Variants in OPCML observed in about 807,000 individuals in gnomAD.
The protein encoded by OPCML is opioid-binding protein/cell adhesion molecule.
Under a neutral mutation model 37.8 loss-of-function variants are expected in OPCML, and 13 were observed. The ratio of observed to expected loss-of-function variants is 0.34; its 90% CI spans 0.22 to 0.55. The LOEUF (loss-of-function observed/expected upper bound fraction) is 0.55. OPCML is among the 20% of genes least tolerant of loss of function. OPCML has a pLI of 0.91. For missense variants in OPCML, 341 were observed against 435.6 expected (o/e 0.78, Z 1.93); for synonymous variants, 176 against 168.8 (o/e 1.04, Z -0.33).
intron 2 of OPCML, among the ~76,000 whole-genome samples, chr11:132,752,665 G>T (rs74527557): frequency 2.1e-5 from 3 of 145,090 alleles, no homozygotes; most frequent in African/African-American, 2.5e-5. Context: ...ACTCAATGTT[G>T]TTTTTTTTTT....
intron 4 of OPCML, among the ~76,000 whole-genome samples, chr11:132,475,611 A>AT (rs2096152531): frequency 6.6e-6 from 1 of 152,206 alleles, no homozygotes; most frequent in African/African-American, 2.4e-5. Flanking sequence ...GAGGGCAGCC[A>AT]TCTGCAAGTT....
At chr11:132,559,560 C>T (rs1174790445) in intron 3 of OPCML, among the ~76,000 whole-genome samples, 3 of 152,006 alleles carry the variant, frequency 2.0e-5, no homozygotes, top group Admixed American at 1.3e-4. Context: ...TCTTTTTTCT[C>T]TTCAATTTTT....
intron 3 of OPCML, among the ~76,000 whole-genome samples, chr11:132,552,057 A>G (rs1008013824): frequency 6.6e-6 from 1 of 152,158 alleles, no homozygotes; most frequent in African/African-American, 2.4e-5. Context: ...CTTGTTCGCA[A>G]ATGTGAGTGA....
At chr11:133,026,484 C>T (rs1011661592) in intron 1 of OPCML, 33 of 985,320 alleles carry the variant, frequency 3.3e-5, no homozygotes, top group South Asian at 2.3e-4. Flanking sequence ...ACATCCTCCA[C>T]GCAGTAGGTT....
At chr11:132,681,203 C>A (rs1942926090) in intron 2 of OPCML, among the ~76,000 whole-genome samples, 1 of 152,208 alleles carries the variant, frequency 6.6e-6, no homozygotes. Context: ...CGGTCCCTGG[C>A]AAGGGCCCCA....
At chr11:133,133,207 A>C (rs1357532956) in intron 1 of OPCML, among the ~76,000 whole-genome samples, 2 of 152,170 alleles carry the variant, frequency 1.3e-5, no homozygotes, top group Admixed American at 1.3e-4. Flanking sequence ...GAGATCTGAC[A>C]TCATCCTTAG....
chr11:132,610,201 C>T (rs763457556), intron 3 of OPCML, among the ~76,000 whole-genome samples: 31 of 152,206 alleles, frequency 2.0e-4, no homozygotes, highest in Non-Finnish European at 3.7e-4. Flanking sequence ...CCTATGCCTG[C>T]ATCTCCAGCC....
At chr11:132,469,359 T>C (rs1209215894) in intron 4 of OPCML, among the ~76,000 whole-genome samples, 1 of 151,992 alleles carries the variant, frequency 6.6e-6, no homozygotes, top group Non-Finnish European at 1.5e-5. Flanking sequence ...GGCTCACACA[T>C]GTGTGGGTGT....
At chr11:133,385,792 C>A (rs73602494) in intron 1 of OPCML, among the ~76,000 whole-genome samples, 33,071 of 152,014 alleles carry the variant, frequency 0.22, 5,846 homozygotes, top group African/African-American at 0.49. Context: ...TTTCTTGTAA[C>A]ATATTATAAT....
chr11:133,294,694 A>C (rs77133817), intron 1 of OPCML, among the ~76,000 whole-genome samples: 8,305 of 151,688 alleles, frequency 0.055, 259 homozygotes, highest in Non-Finnish European at 0.072. Context: ...GACACAAACC[A>C]GGTGTGAGGT....
At chr11:132,527,956 A>T (rs866594909) in intron 4 of OPCML, among the ~76,000 whole-genome samples, 8 of 152,196 alleles carry the variant, frequency 5.3e-5, no homozygotes, top group Non-Finnish European at 1.2e-4. Context: ...AAGCAATGCC[A>T]GTGATTACCA....
intron 2 of OPCML, among the ~76,000 whole-genome samples, chr11:132,719,440 G>T (rs76348706): frequency 0.045 from 6,873 of 152,254 alleles, 431 homozygotes; most frequent in African/African-American, 0.14. Flanking sequence ...GGGGAGGGGT[G>T]TGACTGCGGT....
chr11:133,143,443 C>T (rs925812124), intron 1 of OPCML, among the ~76,000 whole-genome samples: 1 of 152,168 alleles, frequency 6.6e-6, no homozygotes, highest in African/African-American at 2.4e-5. Flanking sequence ...GACAGATCCA[C>T]AGCATGAAAG....
chr11:133,105,708 C>T (rs898001177), intron 1 of OPCML, among the ~76,000 whole-genome samples: 54 of 152,276 alleles, frequency 3.5e-4, no homozygotes, highest in African/African-American at 1.3e-3. Context: ...AGGCTGGGCA[C>T]GGTAGCTCAT....
chr11:132,490,519 C>T (rs1046819100), intron 4 of OPCML, among the ~76,000 whole-genome samples: 1 of 150,090 alleles, frequency 6.7e-6, no homozygotes, highest in African/African-American at 2.4e-5. Flanking sequence ...CAAATGCCTT[C>T]CACGCTTCCA....
chr11:132,830,326 C>T (rs1226702063), intron 2 of OPCML, among the ~76,000 whole-genome samples: 1 of 152,192 alleles, frequency 6.6e-6, no homozygotes, highest in Non-Finnish European at 1.5e-5. Flanking sequence ...ATAAGTTCAT[C>T]TCAACATACC....
At chr11:133,099,827 A>G (rs1465439246) in intron 1 of OPCML, among the ~76,000 whole-genome samples, 1 of 152,178 alleles carries the variant, frequency 6.6e-6, no homozygotes, top group Non-Finnish European at 1.5e-5. Flanking sequence ...GCCCTTTGTC[A>G]GAAGCACAGT....
At chr11:133,204,650 A>T (rs1293739487) in intron 1 of OPCML, among the ~76,000 whole-genome samples, 2 of 151,966 alleles carry the variant, frequency 1.3e-5, no homozygotes, top group Non-Finnish European at 2.9e-5. Flanking sequence ...GATCCTTCAG[A>T]ATTACAAACA....
At chr11:133,184,210 G>A (rs1937968043) in intron 1 of OPCML, among the ~76,000 whole-genome samples, 1 of 152,182 alleles carries the variant, frequency 6.6e-6, no homozygotes, top group East Asian at 1.9e-4. Flanking sequence ...AATGCCCACT[G>A]TAATAAGACA....
Sources: gnomAD v4.1 joint callset for allele counts (sites outside exome capture counted in the v4.1 genomes callset) on GRCh38, gnomAD v4.1.1 for gene constraint, MANE v1.5 for transcripts, NCBI Gene and HGNC (gene_info 2026-07-23, HGNC 2026-07-21) for gene names.